Variants in ENTHD1 observed in about 807,000 individuals in gnomAD.
The protein encoded by ENTHD1 is ENTH domain containing 1.
Under a neutral mutation model 39.1 loss-of-function variants are expected in ENTHD1, and 23 were observed. That is an observed-to-expected ratio of 0.59 (90% confidence interval 0.42 to 0.83). The LOEUF (loss-of-function observed/expected upper bound fraction) is 0.83. ENTHD1 is among the 40% of genes least tolerant of loss of function. The pLI, the probability that ENTHD1 is intolerant of heterozygous loss-of-function variation, is 0.00. For missense variants in ENTHD1, 624 were observed against 705.4 expected, an observed-to-expected ratio of 0.88 and a Z score of 1.31; for synonymous variants, 230 against 258.2, an observed-to-expected ratio of 0.89 and a Z score of 1.05.
chr22:39,778,338 G>C (rs1256028642), intron 5 of ENTHD1, among the ~76,000 whole-genome samples: 5 of 152,130 alleles, frequency 3.3e-5, no homozygotes, highest in African/African-American at 7.2e-5. Flanking sequence ...TCTAGGAAGG[G>C]GGGTATTTGA....
intron 5 of ENTHD1, among the ~76,000 whole-genome samples, chr22:39,813,918 G>A (rs952800446): frequency 2.6e-5 from 4 of 151,950 alleles, no homozygotes; most frequent in African/African-American, 9.7e-5. Flanking sequence ...TCAACAAACA[G>A]AAAATGCAAT....
chr22:39,862,562 A>G (rs1041929349), intron 2 of ENTHD1, among the ~76,000 whole-genome samples: 11 of 142,908 alleles, frequency 7.7e-5, no homozygotes, highest in Admixed American at 2.0e-4. Flanking sequence ...AAAAAAAAAA[A>G]AGAAAGAAAA....
At chr22:39,818,595 T>G (rs905461999) in intron 5 of ENTHD1, among the ~76,000 whole-genome samples, 2 of 152,214 alleles carry the variant, frequency 1.3e-5, no homozygotes, top group African/African-American at 4.8e-5. Context: ...CTGGTACTAT[T>G]TTAAAAATTA....
chr22:39,846,869 G>A (rs1325827008), intron 3 of ENTHD1, among the ~76,000 whole-genome samples: 2 of 152,042 alleles, frequency 1.3e-5, no homozygotes, highest in African/African-American at 4.8e-5. Flanking sequence ...AGTTAGAATG[G>A]CAGTCATTAA....
rs767250352 is a variant in ENTHD1, at chr22:39,743,688, A to G, written c.1815T>C (p.Asp605=). The G allele has an allele frequency of 6.2e-7, 1 of 1,607,820 alleles. No homozygotes were observed. The highest frequency in any genetic ancestry group is 8.5e-7 in the Non-Finnish European group (1 of 1,177,024). The change falls in exon 7 of 7, where the codon GAT becomes GAC. Residue 605 remains aspartate (D), a synonymous_variant. Coordinates refer to ENST00000325157, the MANE Select transcript of ENTHD1 (RefSeq NM_152512.4). The part of the protein sequence containing the change: ...QVPQSSEGSS[D]QI ...ATAGATATTGTGATGATTAGATCTG[A>G]TCTGAGCTCCCCTCAGAAGACTGGG...
At chr22:39,752,545 T>C (rs919833250) in intron 6 of ENTHD1, among the ~76,000 whole-genome samples, 1 of 152,246 alleles carries the variant, frequency 6.6e-6, no homozygotes, top group Non-Finnish European at 1.5e-5. Flanking sequence ...ATGCATTTTA[T>C]GGTACATTAA....
At chr22:39,863,216 A>AAGGC (rs888040957) in intron 2 of ENTHD1, among the ~76,000 whole-genome samples, 1 of 152,186 alleles carries the variant, frequency 6.6e-6, no homozygotes, top group African/African-American at 2.4e-5. Context: ...AGAATATAGG[A>AAGGC]AGGCAGGCAG....
At chr22:39,815,741 T>C (rs543759047) in intron 5 of ENTHD1, among the ~76,000 whole-genome samples, 117 of 152,282 alleles carry the variant, frequency 7.7e-4, no homozygotes, top group African/African-American at 2.8e-3. Context: ...ATGAGGATAG[T>C]ATTCCACAGA....
At chr22:39,877,012 A>T (rs759241861) in intron 2 of ENTHD1, among the ~76,000 whole-genome samples, 1 of 152,214 alleles carries the variant, frequency 6.6e-6, no homozygotes, top group South Asian at 2.1e-4. Flanking sequence ...AGGCATACAG[A>T]CATTGTAGGC....
At chr22:39,835,063 T>C (rs2065898458) in intron 4 of ENTHD1, among the ~76,000 whole-genome samples, 1 of 152,128 alleles carries the variant, frequency 6.6e-6, no homozygotes, top group African/African-American at 2.4e-5. Flanking sequence ...ATACATGGGA[T>C]ATAATTACAT....
intron 1 of ENTHD1, among the ~76,000 whole-genome samples, chr22:39,890,803 CACTT>C (rs1372801782): frequency 6.6e-6 from 1 of 152,060 alleles, no homozygotes; most frequent in East Asian, 1.9e-4. Context: ...GAATTCTTAT[CACTT>C]ACTAATGTAC....
chr22:39,861,989 T>C lies in ENTHD1; in HGVS notation c.368A>G (p.Lys123Arg), dbSNP rs114884356. ...GKDQGYYIRE[K>R]SKQVITLLMD... ...CAGCAATGTGATGACTTGCTTAGAT[T>C]TTTCCCGGATATAATAACCTGAAAA... The change falls in exon 3 of 7, where the codon AAA becomes AGA. Residue 123 changes from lysine to arginine, a missense_variant. Transcript: ENST00000325157. 9 of 1,489,982 alleles carry C rather than the reference T, an allele frequency of 6.0e-6. No individual in the cohort carries two copies. In the East Asian group the frequency reaches 2.1e-4, roughly 35 times the overall value. 92.3% of individuals were successfully genotyped at this position (1,489,982 alleles called of 1,614,324 possible). A position where few individuals can be genotyped will look rare whatever the true frequency, so the allele number is the denominator to read the frequency against.
At chr22:39,836,137 G>A (rs564293433) in intron 3 of ENTHD1, among the ~76,000 whole-genome samples, 179 bp from the exon 4 acceptor site, 2 of 152,170 alleles carry the variant, frequency 1.3e-5, no homozygotes, top group African/African-American at 2.4e-5. Context: ...TTTGTAATAA[G>A]TGAGAAGTTC....
Position 39,777,911 on chromosome 22 carries a change from C to T in ENTHD1, c.833-12302G>A, listed in dbSNP as rs376168741. 5.3e-5 allele frequency among the ~76,000 whole-genome samples: 8 copies of T among 152,314 alleles called. No individual in the cohort carries two copies. The East Asian group carries it at 5.8e-4, about 11-fold the overall frequency. On this transcript the variant is annotated intron_variant, in intron 5 of 6. Transcript: ENST00000325157. ...GTCTTTCCGCTAGTGAGAGTTTCAA[C>T]GGAGCCTGGTCTCTGGTATGTGGAT...
At chr22:39,768,431 C>A (rs566512765) in intron 5 of ENTHD1, among the ~76,000 whole-genome samples, 1 of 152,148 alleles carries the variant, frequency 6.6e-6, no homozygotes, top group Non-Finnish European at 1.5e-5. Context: ...ACCATCACCA[C>A]TGATTCCCCA....
At chr22:39,747,925 A>T (rs2065118450) in intron 6 of ENTHD1, among the ~76,000 whole-genome samples, 1 of 152,122 alleles carries the variant, frequency 6.6e-6, no homozygotes, top group Non-Finnish European at 1.5e-5. Flanking sequence ...TCGGTGCATC[A>T]CTTTACAGAA....
intron 4 of ENTHD1, among the ~76,000 whole-genome samples, chr22:39,829,170 T>A (rs1416352851): frequency 2.0e-5 from 3 of 152,182 alleles, no homozygotes; most frequent in Non-Finnish European, 2.9e-5. Context: ...ATGCTCCTAA[T>A]AGTAATAAGA....
intron 1 of ENTHD1, among the ~76,000 whole-genome samples, chr22:39,890,713 T>C (rs1167971968): frequency 6.6e-6 from 1 of 152,168 alleles, no homozygotes. Context: ...TAGTTTAAAA[T>C]GAATTTACAT....
intron 5 of ENTHD1, among the ~76,000 whole-genome samples, chr22:39,820,288 T>A (rs1490512389): frequency 6.6e-6 from 1 of 152,162 alleles, no homozygotes; most frequent in Non-Finnish European, 1.5e-5. Flanking sequence ...AAGCCACCTC[T>A]GTGGTAAGGG....
Sources: allele counts gnomAD v4.1 joint callset (sites outside exome capture counted in the v4.1 genomes callset), GRCh38; gene constraint gnomAD v4.1.1; transcripts MANE v1.5; gene names NCBI Gene and HGNC (gene_info 2026-07-23, HGNC 2026-07-21).